Variants in TDRD10 observed in about 807,000 individuals in gnomAD.
TDRD10 encodes the protein tudor domain-containing protein 10.
A neutral mutation model predicts 48.0 loss-of-function variants in TDRD10; 40 were observed. The observed-to-expected ratio is 0.83, with a 90% CI of 0.65 to 1.09. The LOEUF (loss-of-function observed/expected upper bound fraction) is 1.09, where lower values mean the gene tolerates loss of function less well. TDRD10 is among the 50% of genes least tolerant of loss of function. The pLI is 0.00. For missense variants in TDRD10, 378 were observed against 434.7 expected (o/e 0.87, Z 1.16); for synonymous variants, 162 against 170.4 (o/e 0.95, Z 0.38).
chr1:154,531,512 G>A (rs1023945825), intron 6 of TDRD10, among the ~76,000 whole-genome samples: 3 of 152,142 alleles, frequency 2.0e-5, no homozygotes, highest in Non-Finnish European at 4.4e-5. Flanking sequence ...GAGTGTTACA[G>A]CTTTTAAGGC....
intron 4 of TDRD10, among the ~76,000 whole-genome samples, chr1:154,519,005 C>G (rs1368147461): frequency 6.6e-6 from 1 of 152,106 alleles, no homozygotes; most frequent in African/African-American, 2.4e-5. Context: ...GAGTTCAAGT[C>G]CTAATTCTAA....
At chr1:154,544,997 G>A (rs1193236652) in intron 11 of TDRD10, 48 bp downstream of exon 11, 8 of 1,598,748 alleles carry the variant, frequency 5.0e-6, no homozygotes, top group Non-Finnish European at 6.8e-6. Context: ...GACAGGAGAA[G>A]CCATGGTTGC....
At chr1:154,527,948 C>G (rs557185590) in intron 6 of TDRD10, among the ~76,000 whole-genome samples, 1 of 152,178 alleles carries the variant, frequency 6.6e-6, no homozygotes, top group Non-Finnish European at 1.5e-5. Context: ...TCCAGTTTCT[C>G]CCCAGTGGTA....
chr1:154,540,485 A>T (rs1695159335), intron 6 of TDRD10, among the ~76,000 whole-genome samples: 1 of 131,348 alleles, frequency 7.6e-6, no homozygotes, highest in South Asian at 2.7e-4. Context: ...AGCCTGGGCA[A>T]CATGGTGAAA....
chr1:154,535,380 AAAGAG>A (rs1326503909), intron 6 of TDRD10, among the ~76,000 whole-genome samples: 2 of 150,870 alleles, frequency 1.3e-5, no homozygotes, highest in Non-Finnish European at 3.0e-5. Flanking sequence ...AAAAAAAAAA[AAAGAG>A]AGAGAGAATA....
In TDRD10 at chr1:154,542,804, A is replaced by G. The variant is rs1258848580; in HGVS notation, c.486A>G (p.Ala162=). The G allele has an allele frequency of 3.7e-6, 6 of 1,613,708 alleles. No individual in the cohort carries two copies. In the African/African-American group the frequency reaches 8.0e-5, roughly 22 times the overall value. Residue 162 remains alanine, a synonymous_variant, in exon 8 of 13, where the codon GCA becomes GCG. Transcript: ENST00000368482. ...ETEKLRAAFF[A]VPLEMRGSFL... ...AGAAACTGAGGGCAGCCTTCTTTGC[A>G]GTCCCGTTGGAAATGAGGTGAGCAA...
chr1:154,510,649 A>G (rs1281828213), intron 4 of TDRD10, among the ~76,000 whole-genome samples: 1 of 152,148 alleles, frequency 6.6e-6, no homozygotes, highest in African/African-American at 2.4e-5. Context: ...CCCTGATTAC[A>G]AACTAACAAA....
chr1:154,529,261 T>G (rs1030140512), intron 6 of TDRD10, among the ~76,000 whole-genome samples: 6 of 152,090 alleles, frequency 3.9e-5, no homozygotes, highest in Non-Finnish European at 7.4e-5. Context: ...GTATTTTTAG[T>G]AGAGACCTCG....
intron 4 of TDRD10, among the ~76,000 whole-genome samples, chr1:154,514,411 A>T (rs1026934387): frequency 6.6e-6 from 1 of 152,170 alleles, no homozygotes; most frequent in African/African-American, 2.4e-5. Flanking sequence ...TAAGGGTGAG[A>T]TGACAGAATG....
chr1:154,509,803 C>T, intron 4 of TDRD10: 1 of 985,392 alleles, frequency 1.0e-6, no homozygotes, highest in Non-Finnish European at 1.2e-6. Flanking sequence ...CAGGCTGGTC[C>T]AACCTGTTAC....
intron 8 of TDRD10, among the ~76,000 whole-genome samples, chr1:154,543,694 G>A (rs962823357): frequency 2.2e-4 from 33 of 152,176 alleles, no homozygotes; most frequent in Admixed American, 1.8e-3. Flanking sequence ...GTTTCTCAGT[G>A]TGTTTTTGTT....
At chr1:154,531,708 C>T (rs545333105) in intron 6 of TDRD10, among the ~76,000 whole-genome samples, 3 of 152,192 alleles carry the variant, frequency 2.0e-5, no homozygotes, top group African/African-American at 4.8e-5. Context: ...TAAGGGGACC[C>T]GAGTGGGTTG....
chr1:154,529,698 A>G (rs1694503697), intron 6 of TDRD10, among the ~76,000 whole-genome samples: 1 of 151,338 alleles, frequency 6.6e-6, no homozygotes, highest in Admixed American at 6.6e-5. Context: ...GGCGCCCACC[A>G]CCACACCGGC....
At chr1:154,506,980 A>G (rs1693184006) in intron 2 of TDRD10, 75 bp downstream of exon 2, 2 of 1,613,438 alleles carry the variant, frequency 1.2e-6, no homozygotes, top group Middle Eastern at 1.6e-4. Flanking sequence ...TTCCTGTCTC[A>G]CCATGCCCTG....
chr1:154,547,433 T>C lies in TDRD10; in HGVS notation c.977T>C (p.Val326Ala), dbSNP rs192968650. The change falls in exon 12 of 13, where the codon GTC (valine) becomes GCC (alanine). Residue 326 changes from valine to alanine, a missense_variant. Val to Ala is a moderately conservative substitution (Grantham distance 64). Around this residue, in one of 2 missense-constraint regions of TDRD10, gnomAD observed 68 missense variants for 111.1 expected, o/e 0.61. Transcript: ENST00000368482. ...GACATTTTGAGTTCGTATGAGGTTG[T>C]CCATCGAATCCTCAAAGGGAAAATC... The part of the protein sequence containing the change: ...EKDILSSYEV[V>A]HRILKGKITG... The C allele has an allele frequency of 1.6e-4, 261 of 1,614,254 alleles. No individual in the cohort carries two copies. The highest frequency in any genetic ancestry group is 3.8e-4 in the Admixed American group (23 of 60,022).
chr1:154,506,767 C>A, intron 1 of TDRD10, 110 bp from the exon 2 acceptor site: 2 of 898,234 alleles, frequency 2.2e-6, no homozygotes, highest in Non-Finnish European at 3.7e-6. Flanking sequence ...AGGATGTGGA[C>A]CACTTTTGGT....
chr1:154,510,785 G>T (rs547562853), intron 4 of TDRD10, among the ~76,000 whole-genome samples: 18 of 151,938 alleles, frequency 1.2e-4, no homozygotes, highest in Non-Finnish European at 2.4e-4. Flanking sequence ...GGTGGCTCAC[G>T]CCTGTAATTC....
intron 4 of TDRD10, among the ~76,000 whole-genome samples, chr1:154,513,701 A>G (rs1157777082): frequency 1.3e-5 from 2 of 152,180 alleles, no homozygotes; most frequent in Non-Finnish European, 2.9e-5. Flanking sequence ...AACCACCTAT[A>G]CTTTAAAAAA....
At chr1:154,507,645 C>T (rs544168525) in intron 3 of TDRD10, among the ~76,000 whole-genome samples, 2 of 152,312 alleles carry the variant, frequency 1.3e-5, no homozygotes, top group South Asian at 4.1e-4. Context: ...ACCTCCCCAA[C>T]CCGGTTACAG....
Sources: allele counts gnomAD v4.1 joint callset (sites outside exome capture counted in the v4.1 genomes callset), GRCh38; gene constraint gnomAD v4.1.1; regional missense constraint gnomAD v4.1.1; transcripts MANE v1.5; gene names NCBI Gene and HGNC (gene_info 2026-07-23, HGNC 2026-07-21).